Variants in ANKRD30BL observed in about 807,000 individuals in gnomAD.
The protein encoded by ANKRD30BL is ankyrin repeat domain 30B like.
ANKRD30BL carries 20 observed loss-of-function variants against 18.4 expected under a neutral mutation model. The observed-to-expected ratio is 1.09, with a 90% CI of 0.77 to 1.58. The LOEUF (loss-of-function observed/expected upper bound fraction) is 1.58, where lower values mean the gene tolerates loss of function less well. ANKRD30BL is among the 40% of genes most tolerant of loss of function. The pLI, the probability that ANKRD30BL is intolerant of heterozygous loss-of-function variation, is 0.00. For missense variants in ANKRD30BL, 224 were observed against 268.6 expected, an observed-to-expected ratio of 0.83 and a Z score of 1.16; for synonymous variants, 72 against 100.9, an observed-to-expected ratio of 0.71 and a Z score of 1.72.
At chr2:132,231,171 A>C (rs1441850162) in intron 1 of ANKRD30BL, among the ~76,000 whole-genome samples, 1 of 152,202 alleles carries the variant, frequency 6.6e-6, no homozygotes. Flanking sequence ...TAAAAACTAC[A>C]TAGAAGCATT....
intron 1 of ANKRD30BL, chr2:132,257,126 G>A (rs373076774): frequency 1.9e-4 from 91 of 469,566 alleles, no homozygotes; most frequent in African/African-American, 1.8e-3. Context: ...TCAGGACCCC[G>A]AGGTGACCTC....
At chr2:132,248,554 G>A (rs371216287) in intron 1 of ANKRD30BL, among the ~76,000 whole-genome samples, 3 of 152,014 alleles carry the variant, frequency 2.0e-5, no homozygotes, top group Admixed American at 6.6e-5. Flanking sequence ...TATGTGAGAT[G>A]GATGCACATA....
intron 1 of ANKRD30BL, among the ~76,000 whole-genome samples, chr2:132,217,778 C>T (rs1257008311): frequency 6.6e-6 from 1 of 152,298 alleles, no homozygotes; most frequent in Non-Finnish European, 1.5e-5. Flanking sequence ...GGTATATCTT[C>T]ACATAAACTC....
chr2:132,219,955 C>T (rs1185583411), intron 1 of ANKRD30BL, among the ~76,000 whole-genome samples: 6 of 149,012 alleles, frequency 4.0e-5, no homozygotes, highest in South Asian at 4.3e-4. Context: ...TGCAAGTGGA[C>T]ATTTGGAGCG....
chr2:132,167,744 T>C (rs1688213608), intron 1 of ANKRD30BL, among the ~76,000 whole-genome samples: 1 of 152,250 alleles, frequency 6.6e-6, no homozygotes, highest in African/African-American at 2.4e-5. Context: ...GGATTGATTA[T>C]ATGCATTTTA....
At chr2:132,228,149 C>T (rs1469008354) in intron 1 of ANKRD30BL, among the ~76,000 whole-genome samples, 1 of 152,098 alleles carries the variant, frequency 6.6e-6, no homozygotes, top group African/African-American at 2.4e-5. Context: ...GCACTGATCT[C>T]ACAGAGTTAA....
At chr2:132,229,278 A>G (rs1284906744) in intron 1 of ANKRD30BL, among the ~76,000 whole-genome samples, 1 of 152,086 alleles carries the variant, frequency 6.6e-6, no homozygotes, top group Non-Finnish European at 1.5e-5. Flanking sequence ...AAAAGGAAAT[A>G]TCTTCACATA....
At chr2:132,233,124 C>G (rs1484649456) in intron 1 of ANKRD30BL, among the ~76,000 whole-genome samples, 1 of 151,110 alleles carries the variant, frequency 6.6e-6, no homozygotes, top group Non-Finnish European at 1.5e-5. Flanking sequence ...ACTTTACAGA[C>G]AAGCAAATGC....
At chr2:132,227,833 G>C (rs1447248861) in intron 1 of ANKRD30BL, among the ~76,000 whole-genome samples, 1 of 151,990 alleles carries the variant, frequency 6.6e-6, no homozygotes, top group Non-Finnish European at 1.5e-5. Flanking sequence ...TCTTTTTGGA[G>C]ATTCTGCAAG....
chr2:132,171,219 T>A (rs1240586041), intron 1 of ANKRD30BL, among the ~76,000 whole-genome samples: 1 of 151,742 alleles, frequency 6.6e-6, no homozygotes, highest in Non-Finnish European at 1.5e-5. Context: ...GAGTTAGTTA[T>A]GGATTAGCAC....
intron 1 of ANKRD30BL, among the ~76,000 whole-genome samples, chr2:132,234,853 T>C (rs1239066380): frequency 2.0e-5 from 3 of 152,196 alleles, no homozygotes; most frequent in African/African-American, 7.2e-5. Flanking sequence ...AGCATCATTC[T>C]GATACCAAAG....
intron 1 of ANKRD30BL, among the ~76,000 whole-genome samples, chr2:132,191,737 ATTTTTTT>A (rs777830399): frequency 2.7e-5 from 3 of 111,898 alleles, no homozygotes; most frequent in Admixed American, 8.9e-5. Flanking sequence ...ATGGAGTTTG[ATTTTTTT>A]TTTTTTTTTT....
chr2:132,253,862 G>A (rs1680739845), intron 1 of ANKRD30BL, among the ~76,000 whole-genome samples: 1 of 152,148 alleles, frequency 6.6e-6, no homozygotes, highest in African/African-American at 2.4e-5. Flanking sequence ...GGGAAGGCTG[G>A]GGAGAGCAAG....
chr2:132,235,226 A>G (rs1171471740), intron 1 of ANKRD30BL, among the ~76,000 whole-genome samples: 1 of 152,186 alleles, frequency 6.6e-6, no homozygotes, highest in Non-Finnish European at 1.5e-5. Context: ...CCCACAGCCA[A>G]TATCATACTG....
At chr2:132,242,725 AC>A (rs1680372536) in intron 1 of ANKRD30BL, among the ~76,000 whole-genome samples, 1 of 151,680 alleles carries the variant, frequency 6.6e-6, no homozygotes. Flanking sequence ...CATAAAAGCT[AC>A]ACAGAAGCAT....
chr2:132,213,879 C>A lies in ANKRD30BL; in HGVS notation n.441+43650G>T, dbSNP rs112020433. ...CTTTCTGATGTGTGCATTCATCTCA[C>A]ATAGTTGAACATTTCTTTTGATTAA... On this transcript the variant is annotated intron_variant and non_coding_transcript_variant, in intron 1 of 4. Transcript: ENST00000470729. Among the ~76,000 whole-genome samples the A allele has an allele frequency of 2.0e-5, 3 of 152,170 alleles. No homozygotes were observed. The South Asian group carries it at 6.2e-4, about 32-fold the overall frequency.
chr2:132,240,061 TC>T (rs1298726869), intron 1 of ANKRD30BL, among the ~76,000 whole-genome samples: 2 of 151,864 alleles, frequency 1.3e-5, no homozygotes, highest in East Asian at 3.9e-4. Flanking sequence ...ACATTCCTTT[TC>T]ATAGAGCAGT....
At chr2:132,230,002 T>C (rs1213838975) in intron 1 of ANKRD30BL, among the ~76,000 whole-genome samples, 3 of 152,156 alleles carry the variant, frequency 2.0e-5, no homozygotes, top group Non-Finnish European at 4.4e-5. Context: ...CAGAAAATTT[T>C]TCTGATGTGT....
chr2:132,168,756 G>A (rs1688228120), intron 1 of ANKRD30BL, among the ~76,000 whole-genome samples: 1 of 151,942 alleles, frequency 6.6e-6, no homozygotes, highest in Admixed American at 6.6e-5. Flanking sequence ...CAGAGAAAGT[G>A]TAACTTTGTA....
Sources: gnomAD v4.1 joint callset for allele counts (sites outside exome capture counted in the v4.1 genomes callset) on GRCh38, gnomAD v4.1.1 for gene constraint, MANE v1.5 for transcripts, NCBI Gene and HGNC (gene_info 2026-07-23, HGNC 2026-07-21) for gene names.